Variants in LCLAT1 observed in about 807,000 individuals in gnomAD.
LCLAT1 encodes the protein lysocardiolipin acyltransferase 1.
LCLAT1 carries 11 observed loss-of-function variants against 30.7 expected under a neutral mutation model. The ratio of observed to expected loss-of-function variants is 0.36; its 90% confidence interval spans 0.23 to 0.59. The LOEUF (loss-of-function observed/expected upper bound fraction) is 0.59. Among genes scored for constraint, LCLAT1 ranks in the 20% least tolerant of loss-of-function variants. The pLI is 0.77. For synonymous variants in LCLAT1, 155 were observed against 151.3 expected (o/e 1.02, Z -0.18); for missense variants, 402 against 458.6 (o/e 0.88, Z 1.13).
chr2:30,590,533 T>TAC (rs55777243), intron 5 of LCLAT1, among the ~76,000 whole-genome samples: 1 of 147,928 alleles, frequency 6.8e-6, no homozygotes, highest in Admixed American at 6.8e-5. Context: ...TATATATATA[T>TAC]TATATGTATA....
At position 30,501,469 on chromosome 2, in the gene LCLAT1, A is replaced by G. The variant is rs116540245; in HGVS notation, c.-4-24118A>G. Among the ~76,000 whole-genome samples the G allele has an allele frequency of 6.9e-3, 1,057 of 152,244 alleles. 12 individuals are homozygous for G. Among genetic ancestry groups the G allele is most frequent in the African/African-American group, 0.024 (1,016 of 41,550 alleles). ...GTTTTAAAGATCTGATTGTAGGCTG[A>G]GTGCGGTGGTCAACATGGTGAAACC... On this transcript the variant is annotated intron_variant, in intron 1 of 5. Coordinates refer to ENST00000379509, the MANE Select transcript of LCLAT1 (RefSeq NM_001002257.3).
At chr2:30,530,587 C>T (rs941417240) in intron 2 of LCLAT1, among the ~76,000 whole-genome samples, 1 of 152,164 alleles carries the variant, frequency 6.6e-6, no homozygotes, top group Non-Finnish European at 1.5e-5. Flanking sequence ...CATTCTCTTG[C>T]CCAGCTGGAG....
intron 1 of LCLAT1, among the ~76,000 whole-genome samples, chr2:30,458,043 TA>T (rs749000081): frequency 0.011 from 1,527 of 142,400 alleles, 12 homozygotes; most frequent in Middle Eastern, 0.032. Context: ...TTCATATTGT[TA>T]AAAAAAAAAA....
rs115724919 is a variant in LCLAT1 at position 30,453,350 on chromosome 2, T to C, written c.-5+5967T>C. On this transcript the variant is annotated intron_variant, in intron 1 of 5. Coordinates refer to ENST00000379509, the MANE Select transcript of LCLAT1 (RefSeq NM_001002257.3). ...GTGGACTGAGGGGATTGTTTTTAAC[T>C]CTTGACAGGGACTCTTCCCCCACTG... Among the ~76,000 whole-genome samples, 155 of 152,334 alleles carry C rather than the reference T, an allele frequency of 1.0e-3. 1 individual carries two copies. The highest frequency in any genetic ancestry group is 3.5e-3 in the African/African-American group (145 of 41,576).
intron 1 of LCLAT1, among the ~76,000 whole-genome samples, chr2:30,476,038 A>G (rs1572496690): frequency 6.6e-6 from 1 of 152,300 alleles, no homozygotes; most frequent in South Asian, 2.1e-4. Context: ...TTGAACATTC[A>G]CTGGACCTTA....
intron 1 of LCLAT1, among the ~76,000 whole-genome samples, chr2:30,475,885 A>T (rs942340677): frequency 6.6e-6 from 1 of 152,170 alleles, no homozygotes; most frequent in Admixed American, 6.5e-5. Flanking sequence ...TTCTCTCTCT[A>T]TAAGTGTTCA....
At chr2:30,559,977 T>C (rs1665115366) in intron 3 of LCLAT1, among the ~76,000 whole-genome samples, 1 of 152,230 alleles carries the variant, frequency 6.6e-6, no homozygotes, top group Non-Finnish European at 1.5e-5. Context: ...TACTGTTGCA[T>C]TGTGCTCATT....
intron 5 of LCLAT1, among the ~76,000 whole-genome samples, chr2:30,597,450 T>C (rs1666972514): frequency 6.6e-6 from 1 of 152,188 alleles, no homozygotes; most frequent in South Asian, 2.1e-4. Context: ...TGCTTGTCTA[T>C]TGTTGGTGTA....
chr2:30,532,973 A>G lies in LCLAT1; in HGVS notation c.166-143A>G, dbSNP rs1034329307. On this transcript the variant is annotated intron_variant, in intron 2 of 5. Coordinates refer to ENST00000379509, the MANE Select transcript of LCLAT1 (RefSeq NM_001002257.3). ...TTCTTCTAGATAACCTCACCACTCA[A>G]TTTTTTATTATAGAAGCAAGGATCA... 6.3e-6 allele frequency: 4 copies of G among 636,614 alleles called. No individual in the cohort carries two copies. The African/African-American group carries it at 7.3e-5, about 12-fold the overall frequency. The allele number at this position is 636,614 out of a possible 1,614,324, so 39.4% of individuals were successfully genotyped here.
chr2:30,450,531 C>T (rs937391545), intron 1 of LCLAT1, among the ~76,000 whole-genome samples: 1 of 152,060 alleles, frequency 6.6e-6, no homozygotes, highest in African/African-American at 2.4e-5. Flanking sequence ...TTTCTTTTTA[C>T]TTTAGGTTTT....
At chr2:30,639,324 G>A (rs923606039) in intron 5 of LCLAT1, among the ~76,000 whole-genome samples, 2 of 152,222 alleles carry the variant, frequency 1.3e-5, no homozygotes, top group Non-Finnish European at 2.9e-5. Context: ...CATCTTGAGT[G>A]AGGTTTAGGA....
rs113400499 is a variant in LCLAT1 at position 30,502,835 on chromosome 2, G to A, written c.-4-22752G>A. On this transcript the variant is annotated intron_variant, in intron 1 of 5. Coordinates refer to ENST00000379509, the MANE Select transcript of LCLAT1 (RefSeq NM_001002257.3). The stretch of plus-strand genomic sequence containing the variant: ...TAGTGCTGCTATTGATGCAGGACAG[G>A]TGAGCCCCCAAATTGGGGCTTAACC... Among the ~76,000 whole-genome samples, 1,520 of 152,234 alleles carry A rather than the reference G, an allele frequency of 1.0e-2. 21 individuals carry two copies. The highest frequency in any genetic ancestry group is 0.034 in the African/African-American group (1,426 of 41,528).
At chr2:30,501,373 A>G (rs1684379100) in intron 1 of LCLAT1, among the ~76,000 whole-genome samples, 1 of 152,208 alleles carries the variant, frequency 6.6e-6, no homozygotes, top group Non-Finnish European at 1.5e-5. Flanking sequence ...ATTAATCTGT[A>G]ACTTTAAAAA....
intron 1 of LCLAT1, among the ~76,000 whole-genome samples, chr2:30,455,637 C>T (rs978445585): frequency 9.9e-5 from 15 of 152,058 alleles, no homozygotes; most frequent in Admixed American, 2.0e-4. Flanking sequence ...TGGTGGCTCA[C>T]GCCTGTAATC....
At chr2:30,502,095 G>GA (rs1277181839) in intron 1 of LCLAT1, among the ~76,000 whole-genome samples, 1 of 152,090 alleles carries the variant, frequency 6.6e-6, no homozygotes, top group East Asian at 1.9e-4. Flanking sequence ...AGGGAGGGAG[G>GA]AAAAAACCAG....
At chr2:30,457,970 CT>C in intron 1 of LCLAT1, among the ~76,000 whole-genome samples, 1 of 151,584 alleles carries the variant, frequency 6.6e-6, no homozygotes, top group Middle Eastern at 3.4e-3. Context: ...CATAAGAATT[CT>C]TTTTAAAAAA....
At chr2:30,589,855 T>C (rs991617302) in intron 5 of LCLAT1, among the ~76,000 whole-genome samples, 2 of 152,218 alleles carry the variant, frequency 1.3e-5, no homozygotes. Flanking sequence ...ACTCATGTCT[T>C]TGACCAATGT....
intron 1 of LCLAT1, among the ~76,000 whole-genome samples, chr2:30,449,570 G>C (rs1333575414): frequency 6.6e-6 from 1 of 150,796 alleles, no homozygotes. Context: ...GCACGATCTC[G>C]GCTCACCACA....
intron 1 of LCLAT1, among the ~76,000 whole-genome samples, chr2:30,486,550 T>A (rs542412014): frequency 3.7e-4 from 57 of 152,308 alleles, no homozygotes; most frequent in Middle Eastern, 3.4e-3. Flanking sequence ...CTTGTTTTTG[T>A]TCACATGGTT....
Sources: allele counts gnomAD v4.1 joint callset (sites outside exome capture counted in the v4.1 genomes callset), GRCh38; gene constraint gnomAD v4.1.1; transcripts MANE v1.5; gene names NCBI Gene and HGNC (gene_info 2026-07-23, HGNC 2026-07-21).